The following SIN3A variants were observed in gnomAD, a reference collection of about 807,000 sequenced individuals.
SIN3A encodes the protein paired amphipathic helix protein Sin3a.
SIN3A carries 14 observed loss-of-function variants against 146.1 expected under a neutral mutation model. The observed-to-expected ratio is 0.10, with a 90% CI of 0.06 to 0.15. The LOEUF (loss-of-function observed/expected upper bound fraction) is 0.15, where lower values mean the gene tolerates loss of function less well. SIN3A is among the 10% of genes least tolerant of loss of function. The probability of loss-of-function intolerance (pLI) is 1.00; values close to 1 mark genes in which losing one functional copy is unlikely to be tolerated. For synonymous variants in SIN3A, 572 were observed against 572.0 expected, an observed-to-expected ratio of 1.00 and a Z score of 0.00; for missense variants, 1,028 against 1,576.0, an observed-to-expected ratio of 0.65 and a Z score of 5.89.
At chr15:75,379,207 T>C (rs983391307) in intron 19 of SIN3A, among the ~76,000 whole-genome samples, 5 of 152,186 alleles carry the variant, frequency 3.3e-5, no homozygotes, top group African/African-American at 9.7e-5. Context: ...CCAATATTGT[T>C]ATTTTTCAAA....
At chr15:75,406,614 G>A (rs930251563) in intron 9 of SIN3A, among the ~76,000 whole-genome samples, 9 of 152,196 alleles carry the variant, frequency 5.9e-5, no homozygotes, top group African/African-American at 2.2e-4. Context: ...GTGAACCCCA[G>A]GAGGCGGAGC....
At chr15:75,373,935 C>T (rs989076450) in intron 20 of SIN3A, among the ~76,000 whole-genome samples, 1 of 152,176 alleles carries the variant, frequency 6.6e-6, no homozygotes, top group Non-Finnish European at 1.5e-5. Flanking sequence ...AACCCCTTGT[C>T]GTTAAAGGGT....
rs1595937260 is a variant in SIN3A at position 75,451,444 on chromosome 15, C to G, written c.-55G>C. The G allele has an allele frequency of 2.7e-5, 4 of 150,088 alleles. No individual in the cohort carries two copies. The highest frequency in any genetic ancestry group is 2.7e-4 in the Admixed American group (4 of 15,090). 9.3% of individuals were successfully genotyped at this position (150,088 alleles called of 1,614,324 possible). On this transcript the variant is annotated 5_prime_UTR_variant, in exon 1 of 21. Coordinates refer to ENST00000394947, the MANE Select transcript of SIN3A (RefSeq NM_001145358.2). Reference sequence around the variant, plus strand: ...TCACCGCAAAGCTGCTTCGGCCGCTCGTCACTGCGTGTCCCTCTCAGCGTG... The same window carrying G: ...TCACCGCAAAGCTGCTTCGGCCGCTGGTCACTGCGTGTCCCTCTCAGCGTG...
intron 19 of SIN3A, chr15:75,376,479 T>C (rs2072857298): frequency 6.5e-6 from 1 of 154,064 alleles, no homozygotes; most frequent in South Asian, 2.0e-4. Flanking sequence ...ATGGATGCCC[T>C]GAGGGGTGGT....
intron 3 of SIN3A, chr15:75,419,877 A>T (rs2073810685): frequency 6.6e-6 from 1 of 152,028 alleles, no homozygotes; most frequent in African/African-American, 2.4e-5. Context: ...TGCTTTAAAA[A>T]CTCTGCATGA....
chr15:75,393,527 C>T (rs2073248216), intron 14 of SIN3A, among the ~76,000 whole-genome samples: 1 of 152,070 alleles, frequency 6.6e-6, no homozygotes, highest in South Asian at 2.1e-4. Flanking sequence ...AGAAGTGCAC[C>T]ACCATGCCAG....
chr15:75,396,138 G>T, intron 13 of SIN3A, 120 bp downstream of exon 13: 1 of 754,184 alleles, frequency 1.3e-6, no homozygotes. Context: ...CAACAACCAG[G>T]GTTGGGGAGA....
In SIN3A at chr15:75,400,720, A is replaced by G. The variant is rs2073395572; in HGVS notation, c.1737+10T>C. On this transcript the variant is annotated intron_variant, in intron 11 of 20. Transcript: ENST00000394947. ...GACCCAGGGCTGATCTTTGCTAGGGAAGGCCTTACCTCTTTACAGAGAGGA... is the reference window on the plus strand; with the variant it reads ...GACCCAGGGCTGATCTTTGCTAGGGGAGGCCTTACCTCTTTACAGAGAGGA... The G allele has an allele frequency of 1.2e-6, 2 of 1,610,338 alleles. No homozygotes were observed. Among genetic ancestry groups the G allele is most frequent in the African/African-American group, 2.7e-5 (2 of 74,978 alleles).
intron 16 of SIN3A, among the ~76,000 whole-genome samples, chr15:75,386,435 A>C (rs2073081086): frequency 1.3e-5 from 2 of 152,220 alleles, no homozygotes; most frequent in South Asian, 4.1e-4. Flanking sequence ...CTACAAATCC[A>C]GAGACAGCTA....
rs555293052 is a variant in SIN3A, at chr15:75,382,461, C to T, written c.3196-756G>A. 1.1e-4 allele frequency among the ~76,000 whole-genome samples: 17 copies of T among 152,260 alleles called. No homozygotes were observed. In the South Asian group the frequency reaches 3.5e-3, roughly 32 times the overall value. ...ATAACAGGATGTCATTAACCAGTCC[C>T]CATAGTGGGTTGGACGTCTAGGATG... is the stretch of plus-strand genomic sequence containing the variant. On this transcript the variant is annotated intron_variant, in intron 17 of 20. Coordinates refer to ENST00000394947, the MANE Select transcript of SIN3A (RefSeq NM_001145358.2).
intron 1 of SIN3A, among the ~76,000 whole-genome samples, chr15:75,432,562 C>T (rs1055572367): frequency 2.0e-5 from 3 of 150,670 alleles, no homozygotes; most frequent in African/African-American, 7.3e-5. Context: ...TGGCGCACAC[C>T]TGTAAAACCT....
intron 1 of SIN3A, among the ~76,000 whole-genome samples, chr15:75,438,748 T>TA (rs1354970305): frequency 6.6e-6 from 1 of 152,070 alleles, no homozygotes; most frequent in Non-Finnish European, 1.5e-5. Context: ...GAACAAAAAA[T>TA]AAAATAAATA....
chr15:75,431,294 T>C (rs2074010218), intron 1 of SIN3A, among the ~76,000 whole-genome samples: 1 of 152,222 alleles, frequency 6.6e-6, no homozygotes, highest in Non-Finnish European at 1.5e-5. Flanking sequence ...TAAGAAAAGT[T>C]GGAACAGATC....
intron 14 of SIN3A, among the ~76,000 whole-genome samples, chr15:75,394,031 C>T (rs2073257940): frequency 6.6e-6 from 1 of 152,098 alleles, no homozygotes; most frequent in Admixed American, 6.5e-5. Context: ...TGGTCTCTAA[C>T]TCCTGACCTC....
At chr15:75,402,165 C>T (rs2073424055) in intron 9 of SIN3A, among the ~76,000 whole-genome samples, 195 bp from the exon 10 acceptor site, 1 of 151,850 alleles carries the variant, frequency 6.6e-6, no homozygotes, top group South Asian at 2.1e-4. Context: ...AAATTTTTTG[C>T]AGAGACGAGG....
chr15:75,451,766 A>G (rs1368540301), upstream of SIN3A: 2 of 149,454 alleles, frequency 1.3e-5, no homozygotes, highest in African/African-American at 4.9e-5. Context: ...TACAGGACGC[A>G]ATACCCGCCC....
intron 19 of SIN3A, among the ~76,000 whole-genome samples, chr15:75,380,109 T>TCAATAAAAATCC (rs1173908947): frequency 6.6e-6 from 1 of 152,194 alleles, no homozygotes; most frequent in Non-Finnish European, 1.5e-5. Flanking sequence ...TGACTACATC[T>TCAATAAAAATCC]CAATAAAAAT....
intron 3 of SIN3A, among the ~76,000 whole-genome samples, chr15:75,418,186 C>T (rs1282328549): frequency 6.6e-6 from 1 of 151,998 alleles, no homozygotes; most frequent in Non-Finnish European, 1.5e-5. Context: ...CGCCTGCCAC[C>T]ACGCCCAGCT....
At chr15:75,406,758 G>A (rs2073524689) in intron 9 of SIN3A, among the ~76,000 whole-genome samples, 1 of 151,966 alleles carries the variant, frequency 6.6e-6, no homozygotes. Context: ...CTGCCACACA[G>A]ACCTGGATAT....
Sources: allele counts gnomAD v4.1 joint callset (sites outside exome capture counted in the v4.1 genomes callset), GRCh38; gene constraint gnomAD v4.1.1; transcripts MANE v1.5; gene names NCBI Gene and HGNC (gene_info 2026-07-23, HGNC 2026-07-21).